Variants in CARD19 observed in about 807,000 individuals in gnomAD.
The protein encoded by CARD19 is caspase recruitment domain-containing protein 19.
Under a neutral mutation model 24.1 loss-of-function variants are expected in CARD19, and 25 were observed. That is an observed-to-expected ratio of 1.04 (90% CI 0.76 to 1.45). CARD19 has a LOEUF of 1.45. Ranked by LOEUF, CARD19 falls within the 40% of genes most tolerant of loss-of-function variation. The probability of loss-of-function intolerance (pLI) is 0.00; values close to 1 mark genes in which losing one functional copy is unlikely to be tolerated. For synonymous variants in CARD19, 103 were observed against 104.9 expected, an observed-to-expected ratio of 0.98 and a Z score of 0.11; for missense variants, 241 against 247.4, an observed-to-expected ratio of 0.97 and a Z score of 0.17.
In CARD19 at chr9:93,113,156, G is replaced by C; in HGVS notation, c.*49G>C. On this transcript the variant is annotated 3_prime_UTR_variant, in exon 6 of 6. Coordinates refer to ENST00000375464, the MANE Select transcript of CARD19 (RefSeq NM_032310.5). ...CCTGCCACTCAACCAAAGAGTCCTCGAGCCGGCCCGCCAAGGGGACTGCTG... is the reference window on the plus strand; with the variant it reads ...CCTGCCACTCAACCAAAGAGTCCTCCAGCCGGCCCGCCAAGGGGACTGCTG... 1 of 1,226,676 alleles carries C rather than the reference G, an allele frequency of 8.2e-7. No individual in the cohort carries two copies. The highest frequency in any genetic ancestry group is 2.5e-5 in the Admixed American group (1 of 39,338). 76.0% of individuals were successfully genotyped at this position (1,226,676 alleles called of 1,614,324 possible). A position where few individuals can be genotyped will look rare whatever the true frequency, so the allele number is the denominator to read the frequency against.
intron 1 of CARD19, among the ~76,000 whole-genome samples, chr9:93,105,530 C>T (rs1426615874): frequency 6.6e-6 from 1 of 152,182 alleles, no homozygotes; most frequent in Non-Finnish European, 1.5e-5. Context: ...ATCTGCCTGC[C>T]TTAGCTTCCC....
chr9:93,100,607 T>G, intron 1 of CARD19, among the ~76,000 whole-genome samples: 1 of 152,238 alleles, frequency 6.6e-6, no homozygotes, highest in Non-Finnish European at 1.5e-5. Flanking sequence ...CAGTGTACAC[T>G]TCAGTGATAC....
chr9:93,102,857 A>AT (rs1827133335), intron 1 of CARD19, among the ~76,000 whole-genome samples: 1 of 151,626 alleles, frequency 6.6e-6, no homozygotes, highest in Non-Finnish European at 1.5e-5. Context: ...TCTTGATTAA[A>AT]TTTTTTCCTA....
Position 93,107,724 on chromosome 9 carries a change from C to A in CARD19, c.58C>A (p.His20Asn). Residue 20 changes from histidine (H) to asparagine (N), a missense_variant, in exon 2 of 6, where the codon CAT becomes AAT. Coordinates refer to ENST00000375464, the MANE Select transcript of CARD19 (RefSeq NM_032310.5). ...GCAGGACACGCCTTTCCTGACAGGCCATGGGCGCTTGAGTGAGCAGCAGGT... is the reference window on the plus strand; with the variant it reads ...GCAGGACACGCCTTTCCTGACAGGCAATGGGCGCTTGAGTGAGCAGCAGGT... ...LVQDTPFLTG[H>N]GRLSEQQVDR... 6.2e-7 allele frequency: 1 copy of A among 1,614,222 alleles called. No homozygotes were observed. Among genetic ancestry groups the A allele is most frequent in the African/African-American group, 1.3e-5 (1 of 75,066 alleles).
rs927937430 is a variant in CARD19, at chr9:93,096,376, G to C, written c.7+24G>C. 31 of 1,225,230 alleles carry C rather than the reference G, an allele frequency of 2.5e-5. No homozygotes were observed. Among genetic ancestry groups the C allele is most frequent in the Admixed American group, 4.3e-5 (1 of 23,452 alleles). 75.9% of individuals were successfully genotyped at this position (1,225,230 alleles called of 1,614,324 possible). A position where few individuals can be genotyped will look rare whatever the true frequency, so the allele number is the denominator to read the frequency against. ...AGGTGGGCACGGGGTCGGCTGGGCG[G>C]CAGGGATGCGGGCGCCCTGGATGGG... On this transcript the variant is annotated intron_variant, in intron 1 of 5. Coordinates refer to ENST00000375464, the MANE Select transcript of CARD19 (RefSeq NM_032310.5). This position sits in a 1 kb window ranked among gnomAD's most constrained non-coding sequence, Gnocchi z 5.4.
At chr9:93,105,317 G>C (rs1827215665) in intron 1 of CARD19, among the ~76,000 whole-genome samples, 1 of 152,028 alleles carries the variant, frequency 6.6e-6, no homozygotes, top group Non-Finnish European at 1.5e-5. Context: ...GTCTTGCTCT[G>C]TCACCCATGC....
rs148082824 is a variant in CARD19 at position 93,106,077 on chromosome 9, C to A, written c.8-1597C>A. Among the ~76,000 whole-genome samples the A allele has an allele frequency of 3.4e-3, 516 of 152,198 alleles. 4 individuals are homozygous for A. The highest frequency in any genetic ancestry group is 0.012 in the African/African-American group (483 of 41,520). On this transcript the variant is annotated intron_variant, in intron 1 of 5. Transcript: ENST00000375464. ...TAATACATAATGTACTTTTTAATCTCTTCTAATCGTTTTTGACTTATAGTC... is the reference window on the plus strand; with the variant it reads ...TAATACATAATGTACTTTTTAATCTATTCTAATCGTTTTTGACTTATAGTC...
intron 3 of CARD19, 169 bp from the exon 4 acceptor site, chr9:93,111,710 A>T: frequency 7.0e-7 from 1 of 1,431,498 alleles, no homozygotes; most frequent in Non-Finnish European, 9.2e-7. Flanking sequence ...GCAGAGGAGA[A>T]GACCCAGACT....
rs948153535 is a variant in CARD19, at chr9:93,110,888, C to T, written c.304+167C>T. ...CTCCCCAGAGGCCACCCTCTGGCCC[C>T]GAGGGGAGAGTGTGGCAGGCACAGG... is the stretch of plus-strand genomic sequence containing the variant. On this transcript the variant is annotated intron_variant, in intron 3 of 5. Coordinates refer to ENST00000375464, the MANE Select transcript of CARD19 (RefSeq NM_032310.5). 33 of 1,533,164 alleles carry T rather than the reference C, an allele frequency of 2.2e-5. 1 individual carries two copies. The highest frequency in any genetic ancestry group is 1.7e-4 in the Middle Eastern group (1 of 6,008). The allele number at this position is 1,533,164 out of a possible 1,614,324, so 95.0% of individuals were successfully genotyped here. A position where few individuals can be genotyped will look rare whatever the true frequency, so the allele number is the denominator to read the frequency against.
At chr9:93,100,037 C>T (rs1369911846) in intron 1 of CARD19, among the ~76,000 whole-genome samples, 1 of 152,232 alleles carries the variant, frequency 6.6e-6, no homozygotes, top group African/African-American at 2.4e-5. Context: ...GATGGATCTG[C>T]CCATCACCGT....
chr9:93,097,145 A>G (rs760278443), intron 1 of CARD19, among the ~76,000 whole-genome samples: 1 of 152,116 alleles, frequency 6.6e-6, no homozygotes, highest in Non-Finnish European at 1.5e-5. Flanking sequence ...CAGCCCGGCC[A>G]GGGAGTATGG....
chr9:93,107,248 A>G (rs567847625), intron 1 of CARD19, among the ~76,000 whole-genome samples: 4 of 152,288 alleles, frequency 2.6e-5, no homozygotes, highest in South Asian at 4.1e-4. Context: ...AAATGTTGGT[A>G]TTACGGGTGT....
At chr9:93,099,764 T>C (rs560542668) in intron 1 of CARD19, among the ~76,000 whole-genome samples, 33 of 152,330 alleles carry the variant, frequency 2.2e-4, no homozygotes, top group African/African-American at 7.7e-4. Flanking sequence ...CCGCATAGGC[T>C]GCTGTGGGAC....
intron 1 of CARD19, among the ~76,000 whole-genome samples, chr9:93,099,166 C>T (rs1826989989): frequency 6.6e-6 from 1 of 152,096 alleles, no homozygotes. Context: ...CCTCATGATC[C>T]ATCTGCCTCG....
intron 2 of CARD19, 95 bp from the exon 3 acceptor site, chr9:93,110,473 G>A (rs1031368903): frequency 1.3e-6 from 2 of 1,507,186 alleles, no homozygotes; most frequent in African/African-American, 2.8e-5. Flanking sequence ...ACCCAACAGG[G>A]AAGCTGAGGC....
rs2119050106 is a variant in CARD19 at position 93,096,655 on chromosome 9, C to T, written c.7+303C>T. On this transcript the variant is annotated intron_variant, in intron 1 of 5. Transcript: ENST00000375464. The surrounding 1 kb of genome is among the most constrained non-coding windows in gnomAD (Gnocchi z 5.4). ...GCAGCTCCAGGGTGGGGCTGCACAG[C>T]CGCGGTCTGGGCTCAGCCACTGCCA... 6.6e-6 allele frequency among the ~76,000 whole-genome samples: 1 copy of T among 152,192 alleles called. No individual in the cohort carries two copies. Among genetic ancestry groups the T allele is most frequent in the East Asian group, 1.9e-4 (1 of 5,182 alleles).
intron 1 of CARD19, among the ~76,000 whole-genome samples, chr9:93,100,129 C>T (rs1412706075): frequency 6.6e-6 from 1 of 152,190 alleles, no homozygotes; most frequent in Non-Finnish European, 1.5e-5. Context: ...TGCACAGGGC[C>T]CCACGGAGCA....
intron 3 of CARD19, chr9:93,111,368 G>A (rs1023574736): frequency 2.6e-5 from 29 of 1,102,914 alleles, no homozygotes; most frequent in Non-Finnish European, 3.1e-5. Context: ...TGACGCCTCT[G>A]TGCTCAGGGC....
chr9:93,108,913 G>C (rs897352163), intron 2 of CARD19: 6 of 152,302 alleles, frequency 3.9e-5, no homozygotes. Flanking sequence ...CATTGGATGA[G>C]AGAGTTAGCC....
Sources: allele counts gnomAD v4.1 joint callset (sites outside exome capture counted in the v4.1 genomes callset), GRCh38; gene constraint gnomAD v4.1.1; non-coding constraint Gnocchi (gnomAD v3.1); transcripts MANE v1.5; gene names NCBI Gene and HGNC (gene_info 2026-07-23, HGNC 2026-07-21).